FBXL7: variants seen among roughly 807,000 people sequenced by gnomAD.
FBXL7 encodes F-box/LRR-repeat protein 7.
Under a neutral mutation model 38.3 loss-of-function variants are expected in FBXL7, and 12 were observed. The ratio of observed to expected loss-of-function variants is 0.31; its 90% confidence interval spans 0.20 to 0.51. The LOEUF (loss-of-function observed/expected upper bound fraction) is 0.51, where lower values mean the gene tolerates loss of function less well. Ranked by LOEUF, FBXL7 falls within the 20% of genes least tolerant of loss-of-function variation. The pLI, the probability that FBXL7 is intolerant of heterozygous loss-of-function variation, is 0.98. For missense variants in FBXL7, 567 were observed against 676.4 expected, an observed-to-expected ratio of 0.84 and a Z score of 1.79; for synonymous variants, 297 against 300.9, an observed-to-expected ratio of 0.99 and a Z score of 0.13.
chr5:15,777,020 A>C (rs1032892589), intron 2 of FBXL7, among the ~76,000 whole-genome samples: 1 of 152,142 alleles, frequency 6.6e-6, no homozygotes, highest in Non-Finnish European at 1.5e-5. Context: ...ATATGCACAC[A>C]TAAGGCATTT....
chr5:15,811,160 C>T (rs2126753005), intron 2 of FBXL7, among the ~76,000 whole-genome samples: 1 of 152,280 alleles, frequency 6.6e-6, no homozygotes, highest in East Asian at 1.9e-4. Context: ...CCTCTCCACC[C>T]TTTTCTATGA....
chr5:15,621,997 C>T (rs1740663973), intron 2 of FBXL7, among the ~76,000 whole-genome samples: 1 of 151,974 alleles, frequency 6.6e-6, no homozygotes, highest in Non-Finnish European at 1.5e-5. Flanking sequence ...AAATGAGAAA[C>T]AGTTATTGTC....
At chr5:15,628,759 A>G (rs1197744983) in intron 2 of FBXL7, among the ~76,000 whole-genome samples, 3 of 152,118 alleles carry the variant, frequency 2.0e-5, no homozygotes, top group Non-Finnish European at 4.4e-5. Context: ...TGAACTTAAC[A>G]TTATTCCCAT....
chr5:15,670,377 T>C (rs1742425933), intron 2 of FBXL7, among the ~76,000 whole-genome samples: 1 of 152,244 alleles, frequency 6.6e-6, no homozygotes, highest in Non-Finnish European at 1.5e-5. Context: ...TTTGTGTTTG[T>C]GCTTGGCATT....
chr5:15,679,584 G>T (rs1371873114), intron 2 of FBXL7, among the ~76,000 whole-genome samples: 3 of 143,040 alleles, frequency 2.1e-5, no homozygotes, highest in African/African-American at 2.6e-5. Context: ...TTTTCAGAAT[G>T]GTGTCTCTCA....
At chr5:15,824,586 A>G (rs868849455) in intron 2 of FBXL7, among the ~76,000 whole-genome samples, 17 of 152,182 alleles carry the variant, frequency 1.1e-4, no homozygotes, top group South Asian at 2.1e-4. Context: ...GAAATTAGCT[A>G]TTAAAAAGCT....
chr5:15,728,679 G>T (rs977897787), intron 2 of FBXL7, among the ~76,000 whole-genome samples: 3 of 152,038 alleles, frequency 2.0e-5, no homozygotes, highest in Non-Finnish European at 2.9e-5. Context: ...AACTAAGTGA[G>T]GATCAAACCA....
chr5:15,578,670 A>G (rs1291437473), intron 1 of FBXL7, among the ~76,000 whole-genome samples: 1 of 152,222 alleles, frequency 6.6e-6, no homozygotes, highest in East Asian at 1.9e-4. Flanking sequence ...TAACTTGAGC[A>G]GGAAATAGCC....
intron 2 of FBXL7, among the ~76,000 whole-genome samples, chr5:15,670,739 T>G (rs986996380): frequency 6.6e-6 from 1 of 151,974 alleles, no homozygotes; most frequent in Non-Finnish European, 1.5e-5. Context: ...AGGTGGAGGT[T>G]GCAGTGAGCC....
intron 1 of FBXL7, among the ~76,000 whole-genome samples, chr5:15,575,515 G>A (rs1233389979): frequency 6.6e-6 from 1 of 152,142 alleles, no homozygotes; most frequent in African/African-American, 2.4e-5. Context: ...TTGTGTTAGA[G>A]GCATAAATGG....
chr5:15,708,411 T>G (rs1445027562), intron 2 of FBXL7, among the ~76,000 whole-genome samples: 1 of 152,238 alleles, frequency 6.6e-6, no homozygotes, highest in Non-Finnish European at 1.5e-5. Context: ...TAATTTTCCC[T>G]GCTAATTCAC....
At chr5:15,518,353 T>G (rs1393819090) in intron 1 of FBXL7, among the ~76,000 whole-genome samples, 1 of 152,168 alleles carries the variant, frequency 6.6e-6, no homozygotes, top group Non-Finnish European at 1.5e-5. Flanking sequence ...CCATTTTCCT[T>G]TCTACCTGCC....
chr5:15,505,567 G>C (rs954077511), intron 1 of FBXL7, among the ~76,000 whole-genome samples: 2 of 152,170 alleles, frequency 1.3e-5, no homozygotes, highest in Non-Finnish European at 2.9e-5. Context: ...CTAGAATGGT[G>C]AACACCCACA....
chr5:15,508,446 G>T (rs997322913), intron 1 of FBXL7, among the ~76,000 whole-genome samples: 1 of 152,172 alleles, frequency 6.6e-6, no homozygotes, highest in Non-Finnish European at 1.5e-5. Flanking sequence ...GTTATATTTG[G>T]CTCAGTCTAA....
chr5:15,782,005 T>G (rs367764239), intron 2 of FBXL7, among the ~76,000 whole-genome samples: 1 of 152,098 alleles, frequency 6.6e-6, no homozygotes, highest in Non-Finnish European at 1.5e-5. Flanking sequence ...GACAGGCCCC[T>G]GGTGTATGAT....
intron 1 of FBXL7, among the ~76,000 whole-genome samples, chr5:15,563,452 T>G (rs371124188): frequency 2.0e-5 from 3 of 152,258 alleles, no homozygotes; most frequent in East Asian, 3.9e-4. Context: ...GAGTTCATGC[T>G]GGCTGCAACC....
At chr5:15,611,596 C>T (rs1485615124) in intron 1 of FBXL7, among the ~76,000 whole-genome samples, 1 of 151,572 alleles carries the variant, frequency 6.6e-6, no homozygotes, top group East Asian at 1.9e-4. Context: ...CAGAGGCTCT[C>T]AGGAACCTAA....
chr5:15,788,678 G>A (rs376289177), intron 2 of FBXL7, among the ~76,000 whole-genome samples: 1 of 151,190 alleles, frequency 6.6e-6, no homozygotes, highest in African/African-American at 2.4e-5. Flanking sequence ...TCAGCTCCTG[G>A]CTTCAAGGGC....
chr5:15,712,687 AAAAG>A (rs1488837851), intron 2 of FBXL7, among the ~76,000 whole-genome samples: 6 of 152,146 alleles, frequency 3.9e-5, no homozygotes, highest in African/African-American at 1.4e-4. Context: ...ATTTAAAAAA[AAAAG>A]AAAAGAAAAG....
Sources: gnomAD v4.1 joint callset for allele counts (sites outside exome capture counted in the v4.1 genomes callset) on GRCh38, gnomAD v4.1.1 for gene constraint, MANE v1.5 for transcripts, NCBI Gene and HGNC (gene_info 2026-07-23, HGNC 2026-07-21) for gene names.